TTC21B: variants seen among roughly 807,000 people sequenced by gnomAD.
The protein encoded by TTC21B is tetratricopeptide repeat protein 21B.
Under a neutral mutation model 175.1 loss-of-function variants are expected in TTC21B, and 127 were observed. The observed-to-expected ratio is 0.73, with a 90% confidence interval of 0.63 to 0.84. TTC21B has a LOEUF of 0.84. TTC21B is among the 40% of genes least tolerant of loss of function. The pLI is 0.00. For synonymous variants in TTC21B, 524 were observed against 524.5 expected (o/e 1.00, Z 0.01); for missense variants, 1,561 against 1,558.3 (o/e 1.00, Z -0.03).
chr2:165,949,227 T>C, intron 3 of TTC21B, 167 bp downstream of exon 3: 1 of 638,354 alleles, frequency 1.6e-6, no homozygotes, highest in South Asian at 1.9e-5. Flanking sequence ...ACATTTCTTG[T>C]GCCTGATGAA....
At chr2:165,922,697 T>G (rs190608321) in intron 12 of TTC21B, among the ~76,000 whole-genome samples, 1 of 151,336 alleles carries the variant, frequency 6.6e-6, no homozygotes, top group East Asian at 1.9e-4. Context: ...GAACTAAAAG[T>G]AGATTTACCA....
intron 22 of TTC21B, among the ~76,000 whole-genome samples, chr2:165,894,530 CT>C (rs1685297488): frequency 6.6e-6 from 1 of 152,130 alleles, no homozygotes. Context: ...AGATTAAAAA[CT>C]CTTAAGATTA....
At chr2:165,927,595 G>C (rs1686726839) in intron 11 of TTC21B, among the ~76,000 whole-genome samples, 1 of 150,932 alleles carries the variant, frequency 6.6e-6, no homozygotes, top group Non-Finnish European at 1.5e-5. Context: ...TATTTCCCCA[G>C]CTCTAAGTAG....
At chr2:165,909,970 TG>T (rs1266261721) in intron 18 of TTC21B, among the ~76,000 whole-genome samples, 1 of 152,098 alleles carries the variant, frequency 6.6e-6, no homozygotes, top group Admixed American at 6.5e-5. Flanking sequence ...GAGGCAAAGA[TG>T]GGGGCAGGGA....
intron 3 of TTC21B, among the ~76,000 whole-genome samples, chr2:165,945,925 T>G (rs147713389): frequency 1.3e-5 from 2 of 152,228 alleles, no homozygotes; most frequent in East Asian, 1.9e-4. Flanking sequence ...ATCTAAGATA[T>G]AATTTCAATG....
At position 165,890,649 on chromosome 2, in the gene TTC21B, A is replaced by C; in HGVS notation, c.3102-9T>G. 6.2e-7 allele frequency: 1 copy of C among 1,612,970 alleles called. No homozygotes were observed. Among genetic ancestry groups the C allele is most frequent in the Non-Finnish European group, 8.5e-7 (1 of 1,179,174 alleles). On this transcript the variant is annotated splice_polypyrimidine_tract_variant and intron_variant, in intron 23 of 28. Coordinates refer to ENST00000243344, the MANE Select transcript of TTC21B (RefSeq NM_024753.5). Reference sequence around the variant, plus strand: ...TTGGTTCTCCAGTGTACCTTGTTAGATGTTTAAAAGAATTATTTATTTCAA... The same window carrying C: ...TTGGTTCTCCAGTGTACCTTGTTAGCTGTTTAAAAGAATTATTTATTTCAA...
intron 19 of TTC21B, among the ~76,000 whole-genome samples, chr2:165,906,064 G>A (rs1455588426): frequency 2.0e-5 from 3 of 151,886 alleles, no homozygotes; most frequent in Non-Finnish European, 4.4e-5. Context: ...AAAATTCAAT[G>A]TTACACTTTT....
chr2:165,878,880 C>T (rs1049870076), intron 27 of TTC21B, among the ~76,000 whole-genome samples: 7 of 152,142 alleles, frequency 4.6e-5, no homozygotes, highest in Non-Finnish European at 8.8e-5. Flanking sequence ...CGGAGTTTCA[C>T]CATGTTGGCC....
Position 165,880,260 on chromosome 2 carries a change from T to C in TTC21B, c.3805+419A>G, listed in dbSNP as rs186551041. Among the ~76,000 whole-genome samples, 435 of 152,246 alleles carry C rather than the reference T, an allele frequency of 2.9e-3. 3 individuals carry two copies. Among genetic ancestry groups the C allele is most frequent in the African/African-American group, 0.01 (416 of 41,550 alleles). The stretch of plus-strand genomic sequence containing the variant: ...CATGGTCAAATAATTGTGGGAAACA[T>C]GGCCCCTCTGTGATATCCATCGCAA... On this transcript the variant is annotated intron_variant, in intron 27 of 28. Transcript: ENST00000243344.
intron 28 of TTC21B, 127 bp from the exon 29 acceptor site, chr2:165,874,959 C>G (rs573225644): frequency 3.0e-4 from 235 of 774,386 alleles, no homozygotes; most frequent in Non-Finnish European, 4.9e-4. Context: ...ACAGCTATAA[C>G]ACTTTTTAAT....
chr2:165,949,809 G>C, intron 1 of TTC21B, 85 bp from the exon 2 acceptor site: 1 of 1,374,080 alleles, frequency 7.3e-7, no homozygotes, highest in Non-Finnish European at 1.0e-6. Flanking sequence ...CTAACATCTA[G>C]AATAATGTAA....
intron 26 of TTC21B, among the ~76,000 whole-genome samples, chr2:165,882,515 G>A (rs1460032150): frequency 1.3e-5 from 2 of 151,930 alleles, no homozygotes; most frequent in Non-Finnish European, 2.9e-5. Context: ...GTGTCTTTAA[G>A]TTGGCCCCTA....
chr2:165,903,875 T>C (rs181531124), intron 19 of TTC21B, among the ~76,000 whole-genome samples: 31 of 152,274 alleles, frequency 2.0e-4, no homozygotes, highest in Non-Finnish European at 4.4e-5. Context: ...TCTGTTTGAA[T>C]TGCATCTTAA....
chr2:165,888,063 T>C (rs545376437), intron 25 of TTC21B, among the ~76,000 whole-genome samples: 1 of 152,266 alleles, frequency 6.6e-6, no homozygotes, highest in South Asian at 2.1e-4. Context: ...AATTTAACAT[T>C]CCAGTAGAGA....
At position 165,884,127 on chromosome 2, in the gene TTC21B, T is replaced by C. The variant is rs1684931239; in HGVS notation, c.3460-109A>G. The C allele has an allele frequency of 7.0e-6, 6 of 851,734 alleles. No individual in the cohort carries two copies. The South Asian group carries it at 7.2e-5, about 10-fold the overall frequency. The allele number at this position is 851,734 out of a possible 1,614,324, so 52.8% of individuals were successfully genotyped here. On this transcript the variant is annotated intron_variant, in intron 25 of 28. Coordinates refer to ENST00000243344, the MANE Select transcript of TTC21B (RefSeq NM_024753.5). ...AGAACTAGTTTGTGGATTCTATTTCTAGCTCCATTACAGATAACTGTGATT... is the reference window on the plus strand; with the variant it reads ...AGAACTAGTTTGTGGATTCTATTTCCAGCTCCATTACAGATAACTGTGATT...
chr2:165,878,055 C>A (rs763585755), intron 27 of TTC21B, among the ~76,000 whole-genome samples: 3 of 152,072 alleles, frequency 2.0e-5, no homozygotes, highest in Non-Finnish European at 4.4e-5. Context: ...GTTTCCTCAT[C>A]GCTAAAACAG....
chr2:165,947,193 T>TATATATATATATATATA (rs61351063), intron 3 of TTC21B: 39 of 134,682 alleles, frequency 2.9e-4, no homozygotes, highest in East Asian at 7.2e-4. Context: ...TATATATATA[T>TATATATATATATATATA]TAGTATCTGC....
At chr2:165,912,213 T>A (rs183222497) in intron 17 of TTC21B, among the ~76,000 whole-genome samples, 4 of 152,236 alleles carry the variant, frequency 2.6e-5, no homozygotes, top group Admixed American at 1.3e-4. Flanking sequence ...GAAAGAACAT[T>A]TATCATGTTT....
chr2:165,917,140 A>G (rs1021667981), intron 14 of TTC21B, 117 bp downstream of exon 14: 1 of 961,198 alleles, frequency 1.0e-6, no homozygotes, highest in Admixed American at 2.0e-5. Context: ...CGGCCTCCCA[A>G]AGTGCTGGGA....
Sources: allele counts gnomAD v4.1 joint callset (sites outside exome capture counted in the v4.1 genomes callset), GRCh38; gene constraint gnomAD v4.1.1; transcripts MANE v1.5; gene names NCBI Gene and HGNC (gene_info 2026-07-23, HGNC 2026-07-21).